Variants in FNTA observed in about 807,000 individuals in gnomAD.
The protein encoded by FNTA is farnesyltransferase, CAAX box, subunit alpha, also known as protein farnesyltransferase/geranylgeranyltransferase type-1 subunit alpha.
A neutral mutation model predicts 55.2 loss-of-function variants in FNTA; 27 were observed. That is an observed-to-expected ratio of 0.49 (90% CI 0.36 to 0.67). FNTA has a LOEUF of 0.67. Among genes scored for constraint, FNTA ranks in the 30% least tolerant of loss-of-function variants. The pLI is 0.00. For missense variants in FNTA, 422 were observed against 464.7 expected, an observed-to-expected ratio of 0.91 and a Z score of 0.85; for synonymous variants, 176 against 170.7, an observed-to-expected ratio of 1.03 and a Z score of -0.24.
chr8:43,083,125 C>T lies in FNTA; in HGVS notation c.790C>T (p.Leu264=), dbSNP rs754049501. 1 of 1,566,836 alleles carries T rather than the reference C, an allele frequency of 6.4e-7. No individual in the cohort carries two copies. Among genetic ancestry groups the T allele is most frequent in the Admixed American group, 1.8e-5 (1 of 54,344 alleles). The change falls in exon 7 of 9, where the codon CTG becomes TTG. Residue 264 remains leucine (L), a synonymous_variant. Coordinates refer to ENST00000302279, the MANE Select transcript of FNTA (RefSeq NM_002027.3). ...TATATATTTTTCTTGCAGATACACT[C>T]TGGAAATGATTAAACTAGTACCACA... is the stretch of plus-strand genomic sequence containing the variant. ...AVLEREVQYT[L]EMIKLVPHNE...
rs746636994 is a variant in FNTA, at chr8:43,064,197, C to T, written c.383C>T (p.Ala128Val). The T allele has an allele frequency of 6.2e-7, 1 of 1,608,736 alleles. No homozygotes were observed. Among genetic ancestry groups the T allele is most frequent in the Non-Finnish European group, 8.5e-7 (1 of 1,175,152 alleles). The change falls in exon 3 of 9, where the codon GCA becomes GTA. Residue 128 changes from alanine to valine, a missense_variant. Around this residue, in one of 2 missense-constraint regions of FNTA, gnomAD observed 262 missense variants for 343.1 expected, o/e 0.76. Transcript: ENST00000302279. Reference protein sequence around the residue: ...KLTRDAIELNAANYTVWHFRR... With the variant: ...KLTRDAIELNVANYTVWHFRR... ...ACCCGGGATGCTATTGAGTTAAATG[C>T]AGCCAATTATACAGTGTGGTAAGTA... is the stretch of plus-strand genomic sequence containing the variant.
intron 3 of FNTA, among the ~76,000 whole-genome samples, chr8:43,067,351 T>TA (rs1196424091): frequency 9.9e-5 from 15 of 152,250 alleles, no homozygotes; most frequent in African/African-American, 3.6e-4. Context: ...ACACTTCCCA[T>TA]AATGTTGTTG....
chr8:43,082,013 A>G (rs1317648019), intron 6 of FNTA: 3 of 152,254 alleles, frequency 2.0e-5, no homozygotes, highest in Non-Finnish European at 4.4e-5. Context: ...AATTGGAAAC[A>G]TTAAGTCATG....
rs1810479303 is a variant in FNTA at position 43,059,240 on chromosome 8, C to T, written c.286+63C>T. On this transcript the variant is annotated intron_variant, in intron 2 of 8. Transcript: ENST00000302279. ...AATATAGTAGCAGAATTGGAATTCA[C>T]AACTATGTAGCAAGATAGATGACAA... is the stretch of plus-strand genomic sequence containing the variant. 5 of 1,137,556 alleles carry T rather than the reference C, an allele frequency of 4.4e-6. No individual in the cohort carries two copies. The South Asian group carries it at 5.6e-5, about 13-fold the overall frequency. 70.5% of individuals were successfully genotyped at this position (1,137,556 alleles called of 1,614,324 possible).
At chr8:43,075,236 A>G (rs1477736942) in intron 5 of FNTA, among the ~76,000 whole-genome samples, 10 of 152,202 alleles carry the variant, frequency 6.6e-5, no homozygotes, top group Admixed American at 1.3e-4. Flanking sequence ...GAGGACACCA[A>G]TCAGTGCCCA....
At position 43,056,457 on chromosome 8, in the gene FNTA, A is replaced by G; in HGVS notation, c.111A>G (p.Glu37=). 2 of 1,567,024 alleles carry G rather than the reference A, an allele frequency of 1.3e-6. No homozygotes were observed. Among genetic ancestry groups the G allele is most frequent in the South Asian group, 1.2e-5 (1 of 84,480 alleles). The change falls in exon 1 of 9, where the codon GAA becomes GAG. Residue 37 remains glutamate (E), a synonymous_variant. Coordinates refer to ENST00000302279, the MANE Select transcript of FNTA (RefSeq NM_002027.3). ...CGCCGCCCCAGCAGCAGCACAAGGAAGAGATGGCGGCCGAGGCTGGGGAAG... is the reference window on the plus strand; with the variant it reads ...CGCCGCCCCAGCAGCAGCACAAGGAGGAGATGGCGGCCGAGGCTGGGGAAG... ...HPPPPQQQHK[E]EMAAEAGEAV...
At chr8:43,071,114 A>G (rs886077400) in intron 4 of FNTA, among the ~76,000 whole-genome samples, 28 of 151,994 alleles carry the variant, frequency 1.8e-4, no homozygotes, top group African/African-American at 5.3e-4. Context: ...CCTTTTTCCT[A>G]TTGTTCTGCT....
chr8:43,084,873 G>A lies in FNTA; in HGVS notation c.1009G>A (p.Ala337Thr). 6.2e-7 allele frequency: 1 copy of A among 1,613,632 alleles called. No individual in the cohort carries two copies. Among genetic ancestry groups the A allele is most frequent in the Non-Finnish European group, 8.5e-7 (1 of 1,179,862 alleles). Residue 337 changes from alanine (A) to threonine (T), a missense_variant, in exon 8 of 9, where the codon GCA (alanine) becomes ACA (threonine). By Grantham distance (58) the Ala-to-Thr change is moderately conservative. Coordinates refer to ENST00000302279, the MANE Select transcript of FNTA (RefSeq NM_002027.3). ...CAATAAGGAAGACATTCTTAATAAA[G>A]CATTAGAGGTAAGCTGGTGGGGCTC... ...CDNKEDILNK[A>T]LELCEILAKE...
chr8:43,063,232 C>A lies in FNTA; in HGVS notation c.287-869C>A, dbSNP rs533439342. ...AGTAGCTGTGACTGCAGGCCTGGAT[C>A]ACCACGCCCGATTAATTTCTATATT... On this transcript the variant is annotated intron_variant, in intron 2 of 8. Transcript: ENST00000302279. 8.6e-5 allele frequency: 39 copies of A among 455,328 alleles called. 2 individuals carry two copies. The highest frequency in any genetic ancestry group is 6.2e-4 in the African/African-American group (31 of 50,128). 28.2% of individuals were successfully genotyped at this position (455,328 alleles called of 1,614,324 possible).
Position 43,061,435 on chromosome 8 carries a change from T to C in FNTA, c.286+2258T>C, listed in dbSNP as rs138958561. 3.1e-3 allele frequency among the ~76,000 whole-genome samples: 477 copies of C among 152,358 alleles called. 9 individuals are homozygous for C. The highest frequency in any genetic ancestry group is 0.029 in the Admixed American group (438 of 15,302). ...AGGATCTTGGTAGTAACTATAGATGTAGTAAATTATTTACATAAAATAGTA... is the reference window on the plus strand; with the variant it reads ...AGGATCTTGGTAGTAACTATAGATGCAGTAAATTATTTACATAAAATAGTA... On this transcript the variant is annotated intron_variant, in intron 2 of 8. Transcript: ENST00000302279.
intron 3 of FNTA, among the ~76,000 whole-genome samples, chr8:43,066,612 G>GT (rs763892187): frequency 6.6e-6 from 1 of 151,538 alleles, no homozygotes; most frequent in African/African-American, 2.4e-5. Flanking sequence ...GTGTGTGTGT[G>GT]TTTAATTTCA....
At chr8:43,078,861 A>C (rs1282847066) in intron 6 of FNTA, 3 of 152,280 alleles carry the variant, frequency 2.0e-5, no homozygotes, top group African/African-American at 7.2e-5. Flanking sequence ...TTCTTGAAGG[A>C]AATTAAAAGT....
At chr8:43,077,437 A>G (rs1297251128) in intron 6 of FNTA, 73 bp downstream of exon 6, 2 of 1,213,072 alleles carry the variant, frequency 1.6e-6, no homozygotes, top group East Asian at 2.4e-5. Context: ...GGCACTGGGG[A>G]TACAGCAGAT....
Position 43,084,841 on chromosome 8 carries a change from A to T in FNTA, c.977A>T (p.Gln326Leu). 1 of 1,614,016 alleles carries T rather than the reference A, an allele frequency of 6.2e-7. No homozygotes were observed. Among genetic ancestry groups the T allele is most frequent in the Non-Finnish European group, 8.5e-7 (1 of 1,179,964 alleles). Residue 326 changes from glutamine (Q) to leucine (L), a missense_variant, in exon 8 of 9, where the codon CAG becomes CTG. By Grantham distance (113) the Gln-to-Leu change is moderately radical. Coordinates refer to ENST00000302279, the MANE Select transcript of FNTA (RefSeq NM_002027.3). Reference sequence around the variant, plus strand: ...ATCTATGAAGACATGCTAGAAAATCAGTGTGACAATAAGGAAGACATTCTT... The same window carrying T: ...ATCTATGAAGACATGCTAGAAAATCTGTGTGACAATAAGGAAGACATTCTT... Reference protein sequence around the residue: ...VDIYEDMLENQCDNKEDILNK... With the variant: ...VDIYEDMLENLCDNKEDILNK...
At chr8:43,062,072 A>T (rs1810545781) in intron 2 of FNTA, among the ~76,000 whole-genome samples, 2 of 152,106 alleles carry the variant, frequency 1.3e-5, no homozygotes, top group Non-Finnish European at 2.9e-5. Context: ...TTTTACAGTG[A>T]ATCGGATTTT....
chr8:43,073,209 T>C (rs1810835023), intron 5 of FNTA, among the ~76,000 whole-genome samples: 2 of 152,312 alleles, frequency 1.3e-5, no homozygotes, highest in African/African-American at 4.8e-5. Flanking sequence ...GATAACATAT[T>C]CTAAAGGTAT....
At position 43,075,961 on chromosome 8, in the gene FNTA, G is replaced by A. The variant is rs193058246; in HGVS notation, c.634-1255G>A. The stretch of plus-strand genomic sequence containing the variant: ...ATAGCTCACTGCAGCCTTAAACTCC[G>A]GGGCTCAAGTGATCCTCTTCAGCCT... On this transcript the variant is annotated intron_variant, in intron 5 of 8. Coordinates refer to ENST00000302279, the MANE Select transcript of FNTA (RefSeq NM_002027.3). 1.9e-4 allele frequency among the ~76,000 whole-genome samples: 29 copies of A among 151,454 alleles called. 1 individual carries two copies. Among genetic ancestry groups the A allele is most frequent in the African/African-American group, 6.5e-4 (27 of 41,244 alleles).
intron 2 of FNTA, among the ~76,000 whole-genome samples, chr8:43,060,022 C>T (rs989183353): frequency 6.6e-6 from 1 of 152,148 alleles, no homozygotes; most frequent in Non-Finnish European, 1.5e-5. Flanking sequence ...GTGGATTAAT[C>T]AAATAATGGT....
At chr8:43,056,573 C>T (rs1376363105) in intron 1 of FNTA, 27 bp downstream of exon 1, 3 of 1,350,448 alleles carry the variant, frequency 2.2e-6, no homozygotes, top group Admixed American at 6.2e-5. Context: ...GGCCGCGGCT[C>T]GGGACACTCC....
Sources: gnomAD v4.1 joint callset for allele counts (sites outside exome capture counted in the v4.1 genomes callset) on GRCh38, gnomAD v4.1.1 for gene constraint, gnomAD v4.1.1 regional missense constraint, MANE v1.5 for transcripts, NCBI Gene and HGNC (gene_info 2026-07-23, HGNC 2026-07-21) for gene names.